EYS: variants seen among roughly 807,000 people sequenced by gnomAD.
The protein encoded by EYS is EGF-like photoreceptor maintenance factor.
A neutral mutation model predicts 282.1 loss-of-function variants in EYS; 250 were observed. The observed-to-expected ratio is 0.89, with a 90% CI of 0.80 to 0.98. The LOEUF is 0.98. EYS is among the 50% of genes least tolerant of loss of function. The pLI, the probability that EYS is intolerant of heterozygous loss-of-function variation, is 0.00. For synonymous variants in EYS, 1,355 were observed against 1,282.9 expected (o/e 1.06, Z -1.20); for missense variants, 4,016 against 3,709.0 (o/e 1.08, Z -2.15).
At chr6:64,045,919 T>C (rs1432051982) in intron 33 of EYS, among the ~76,000 whole-genome samples, 6 of 147,826 alleles carry the variant, frequency 4.1e-5, no homozygotes, top group Non-Finnish European at 7.4e-5. Flanking sequence ...GTTTATTATA[T>C]ATGTAATATA....
intron 33 of EYS, among the ~76,000 whole-genome samples, chr6:64,045,804 T>C (rs1480259470): frequency 6.6e-6 from 1 of 150,528 alleles, no homozygotes; most frequent in Admixed American, 6.7e-5. Flanking sequence ...TATATATATG[T>C]ATGTATGTGT....
At chr6:65,560,536 G>A (rs1769014412) in intron 2 of EYS, among the ~76,000 whole-genome samples, 1 of 151,130 alleles carries the variant, frequency 6.6e-6, no homozygotes, top group South Asian at 2.1e-4. Context: ...GTACGTGTGT[G>A]TATTTAAGCA....
rs180840667 is a variant in EYS at position 64,219,947 on chromosome 6, C to T, written c.6424+10645G>A. ...ACTGCAAGCACAAAAAAACAAATAGCGCATGTTCTCACTCATGGGTGGGAA... is the reference window on the plus strand; with the variant it reads ...ACTGCAAGCACAAAAAAACAAATAGTGCATGTTCTCACTCATGGGTGGGAA... On this transcript the variant is annotated intron_variant, in intron 31 of 42. Transcript: ENST00000503581. Among the ~76,000 whole-genome samples the T allele has an allele frequency of 1.3e-4, 20 of 152,090 alleles. No homozygotes were observed. In the East Asian group the frequency reaches 2.9e-3, roughly 22 times the overall value.
intron 36 of EYS, among the ~76,000 whole-genome samples, chr6:63,823,709 G>A (rs918408239): frequency 1.3e-5 from 2 of 151,542 alleles, no homozygotes; most frequent in African/African-American, 2.4e-5. Context: ...TTGCCTTTTT[G>A]TAATTTATTT....
intron 2 of EYS, among the ~76,000 whole-genome samples, chr6:65,517,480 C>T (rs980510464): frequency 3.3e-5 from 5 of 151,836 alleles, no homozygotes; most frequent in Admixed American, 6.6e-5. Flanking sequence ...AATAAAATTA[C>T]GGTTGAAGCA....
chr6:64,788,809 T>C (rs1419937753), intron 22 of EYS, among the ~76,000 whole-genome samples: 1 of 152,230 alleles, frequency 6.6e-6, no homozygotes, highest in Non-Finnish European at 1.5e-5. Flanking sequence ...ACATCTTTTC[T>C]CTTGTGACTT....
intron 8 of EYS, among the ~76,000 whole-genome samples, chr6:65,365,864 G>A (rs1205924842): frequency 6.6e-6 from 1 of 151,648 alleles, no homozygotes; most frequent in Non-Finnish European, 1.5e-5. Context: ...AATTATGTAT[G>A]ATTCTCACTT....
chr6:64,827,383 C>A (rs1044174636), intron 19 of EYS, among the ~76,000 whole-genome samples: 1 of 151,806 alleles, frequency 6.6e-6, no homozygotes, highest in East Asian at 1.9e-4. Flanking sequence ...GAATTACTGT[C>A]TTATCTTCCA....
chr6:64,975,726 C>A (rs1770454700), intron 14 of EYS, among the ~76,000 whole-genome samples: 1 of 151,732 alleles, frequency 6.6e-6, no homozygotes, highest in Admixed American at 6.6e-5. Context: ...CTAAAAATCC[C>A]TTCTTTTGAT....
chr6:63,782,973 G>T (rs1473422703), intron 39 of EYS, among the ~76,000 whole-genome samples: 2 of 147,846 alleles, frequency 1.4e-5, no homozygotes, highest in Non-Finnish European at 1.5e-5. Context: ...TTTTATCCTG[G>T]GTTTCTAAAT....
At chr6:63,737,524 G>A (rs1384714915) in intron 41 of EYS, among the ~76,000 whole-genome samples, 18 of 152,154 alleles carry the variant, frequency 1.2e-4, no homozygotes, top group East Asian at 7.7e-4. Flanking sequence ...ATCAATGTTC[G>A]TCAAGGATAT....
At chr6:65,433,367 C>T (rs1012813165) in intron 5 of EYS, among the ~76,000 whole-genome samples, 2 of 151,938 alleles carry the variant, frequency 1.3e-5, no homozygotes, top group African/African-American at 4.8e-5. Context: ...CTGATGGACT[C>T]CATTCATTCC....
intron 19 of EYS, among the ~76,000 whole-genome samples, chr6:64,856,562 G>A (rs1487062574): frequency 1.3e-5 from 2 of 152,144 alleles, no homozygotes; most frequent in Admixed American, 6.5e-5. Context: ...ACTTCCCAAA[G>A]TGCTGGGATT....
In EYS at chr6:64,785,322, A is replaced by G. The variant is rs893078989; in HGVS notation, c.3443+28056T>C. 7.9e-5 allele frequency among the ~76,000 whole-genome samples: 12 copies of G among 152,112 alleles called. 1 individual carries two copies. Among genetic ancestry groups the G allele is most frequent in the African/African-American group, 2.2e-4 (9 of 41,420 alleles). ...CATTTTTATGTGTATGTACTAATCAATCTTGTTTAAATCTCACAGTCTTTA... is the reference window on the plus strand; with the variant it reads ...CATTTTTATGTGTATGTACTAATCAGTCTTGTTTAAATCTCACAGTCTTTA... On this transcript the variant is annotated intron_variant, in intron 22 of 42. Coordinates refer to ENST00000503581, the MANE Select transcript of EYS (RefSeq NM_001142800.2).
intron 29 of EYS, among the ~76,000 whole-genome samples, chr6:64,310,392 C>A (rs1248027142): frequency 1.3e-5 from 2 of 152,158 alleles, no homozygotes; most frequent in Non-Finnish European, 2.9e-5. Context: ...TGGAATACTA[C>A]ACAGCCATGA....
chr6:64,082,946 T>C (rs1475173410), intron 31 of EYS, among the ~76,000 whole-genome samples: 1 of 151,496 alleles, frequency 6.6e-6, no homozygotes, highest in Non-Finnish European at 1.5e-5. Context: ...TCTCATTTTA[T>C]CAGCACAACT....
chr6:65,671,198 CATTAA>C (rs140687422), intron 1 of EYS, among the ~76,000 whole-genome samples: 7,655 of 152,082 alleles, frequency 0.05, 575 homozygotes, highest in African/African-American at 0.16. Flanking sequence ...GTAGTATGAT[CATTAA>C]ATTAAAATCA....
chr6:64,463,581 G>A (rs1199712539), intron 26 of EYS, among the ~76,000 whole-genome samples: 1 of 152,070 alleles, frequency 6.6e-6, no homozygotes, highest in Non-Finnish European at 1.5e-5. Context: ...TTCAAATTTT[G>A]AAAGTTAGGG....
chr6:65,393,206 A>C (rs1766126105), intron 7 of EYS, among the ~76,000 whole-genome samples: 1 of 152,098 alleles, frequency 6.6e-6, no homozygotes, highest in South Asian at 2.1e-4. Flanking sequence ...TAGCATTGGG[A>C]GATATACCTA....
Sources: gnomAD v4.1 joint callset for allele counts (sites outside exome capture counted in the v4.1 genomes callset) on GRCh38, gnomAD v4.1.1 for gene constraint, MANE v1.5 for transcripts, NCBI Gene and HGNC (gene_info 2026-07-23, HGNC 2026-07-21) for gene names.